Variants in VPS28 observed in about 807,000 individuals in gnomAD.
VPS28 encodes VPS28 subunit of ESCRT-I, also known as vacuolar protein sorting-associated protein 28 homolog.
VPS28 carries 29 observed loss-of-function variants against 33.7 expected under a neutral mutation model. The ratio of observed to expected loss-of-function variants is 0.86; its 90% CI spans 0.64 to 1.17. VPS28 has a LOEUF of 1.17. VPS28 is among the 50% of genes most tolerant of loss of function. The pLI is 0.00. For missense variants in VPS28, 247 were observed against 312.2 expected, an observed-to-expected ratio of 0.79 and a Z score of 1.57; for synonymous variants, 164 against 116.7, an observed-to-expected ratio of 1.40 and a Z score of -2.61.
chr8:144,426,364 C>G, intron 2 of VPS28, 156 bp from the exon 3 acceptor site: 1 of 1,004,402 alleles, frequency 1.0e-6, no homozygotes, highest in East Asian at 2.8e-5. Flanking sequence ...CAACCTCACC[C>G]CTATCAGTGT....
chr8:144,423,801 G>A lies in VPS28; in HGVS notation c.*4C>T, dbSNP rs376242912. The A allele has an allele frequency of 6.2e-5, 100 of 1,613,124 alleles. No homozygotes were observed. In the African/African-American group the frequency reaches 8.8e-4, roughly 14 times the overall value. Reference sequence around the variant, plus strand: ...CCTTCTGTGCAAGGGCTAGTGCCCCGGGCTCAGGCATGCAGGAAGCGGTTG... The same window carrying A: ...CCTTCTGTGCAAGGGCTAGTGCCCCAGGCTCAGGCATGCAGGAAGCGGTTG... On this transcript the variant is annotated 3_prime_UTR_variant, in exon 10 of 10. Coordinates refer to ENST00000292510, the MANE Select transcript of VPS28 (RefSeq NM_016208.4).
chr8:144,424,492 G>T, intron 7 of VPS28: 1 of 793,896 alleles, frequency 1.3e-6, no homozygotes, highest in Non-Finnish European at 2.0e-6. Flanking sequence ...CCGAGGCCAG[G>T]ACCCCGCCAG....
chr8:144,426,153 C>T, intron 3 of VPS28, 27 bp downstream of exon 3: 2 of 1,599,338 alleles, frequency 1.3e-6, no homozygotes, highest in South Asian at 1.1e-5. Context: ...TTGGCCAATG[C>T]CGGCCGGGTG....
chr8:144,425,794 G>C (rs375301189), intron 4 of VPS28, 22 bp from the exon 5 acceptor site: 1 of 1,613,376 alleles, frequency 6.2e-7, no homozygotes, highest in African/African-American at 1.3e-5. Context: ...CCTGTCTATC[G>C]GGCCAGGCCC....
intron 1 of VPS28, among the ~76,000 whole-genome samples, chr8:144,427,682 G>A (rs557737214): frequency 2.0e-5 from 3 of 152,224 alleles, no homozygotes; most frequent in Admixed American, 6.5e-5. Flanking sequence ...AATGAAGATG[G>A]AGAGGTGCCC....
In VPS28 at chr8:144,426,966, C is replaced by G. The variant is rs782315535; in HGVS notation, c.-21G>C. On this transcript the variant is annotated 5_prime_UTR_variant, in exon 2 of 10. Coordinates refer to ENST00000292510, the MANE Select transcript of VPS28 (RefSeq NM_016208.4). The stretch of plus-strand genomic sequence containing the variant: ...AACATCCTCTAGGCTCTGGGGGGGG[C>G]ACAGCACTGAGACCTGGGGAGCAGA... 12 of 1,611,410 alleles carry G rather than the reference C, an allele frequency of 7.4e-6. No individual in the cohort carries two copies. The highest frequency in any genetic ancestry group is 3.3e-5 in the Admixed American group (2 of 59,920).
intron 2 of VPS28, chr8:144,426,440 C>T (rs1822750352): frequency 3.7e-6 from 2 of 537,380 alleles, no homozygotes; most frequent in Admixed American, 3.8e-5. Flanking sequence ...AGCTCCCCAG[C>T]TCCACTGCGG....
rs1372658803 is a variant in VPS28, at chr8:144,425,244, C to T, written c.195-193G>A. 9.9e-6 allele frequency: 6 copies of T among 606,488 alleles called. No homozygotes were observed. In the East Asian group the frequency reaches 1.1e-4, roughly 11 times the overall value. 37.6% of individuals were successfully genotyped at this position (606,488 alleles called of 1,614,324 possible). On this transcript the variant is annotated intron_variant, in intron 5 of 9. Transcript: ENST00000292510. ...TGAGCACGTAGTGGGGCTTGTAGCT[C>T]GGCTCCAGGTGGAGACCCCGGCCCC...
At chr8:144,425,315 T>G (rs369533345) in intron 5 of VPS28, 5 of 575,998 alleles carry the variant, frequency 8.7e-6, no homozygotes, top group Non-Finnish European at 1.6e-5. Context: ...CCCTCTGTTG[T>G]GATGGCCGCA....
In VPS28 at chr8:144,423,771, T is replaced by C; in HGVS notation, c.*34A>G. ...GGGACCAGGAGCCATCGCCTCAGACTCTGCCCTTCTGTGCAAGGGCTAGTG... is the reference window on the plus strand; with the variant it reads ...GGGACCAGGAGCCATCGCCTCAGACCCTGCCCTTCTGTGCAAGGGCTAGTG... On this transcript the variant is annotated 3_prime_UTR_variant, in exon 10 of 10. Coordinates refer to ENST00000292510, the MANE Select transcript of VPS28 (RefSeq NM_016208.4). The C allele has an allele frequency of 6.2e-7, 1 of 1,612,176 alleles. No homozygotes were observed. The highest frequency in any genetic ancestry group is 8.5e-7 in the Non-Finnish European group (1 of 1,179,272).
At chr8:144,425,072 G>A (rs1822640811) in intron 5 of VPS28, 21 bp from the exon 6 acceptor site, 1 of 1,546,510 alleles carries the variant, frequency 6.5e-7, no homozygotes, top group Admixed American at 2.0e-5. Context: ...GTCAGCTGCT[G>A]CCCAAGCATG....
intron 2 of VPS28, 89 bp downstream of exon 2, chr8:144,426,820 C>T (rs976222914): frequency 2.2e-5 from 32 of 1,477,082 alleles, no homozygotes; most frequent in Non-Finnish European, 2.9e-5. Flanking sequence ...GGGTCAGATA[C>T]CTCCCCACCC....
chr8:144,423,976 G>C, intron 9 of VPS28, 54 bp from the exon 10 acceptor site: 5 of 1,610,286 alleles, frequency 3.1e-6, no homozygotes, highest in Non-Finnish European at 4.2e-6. Context: ...GGCACTGCGG[G>C]GCTCCGCCTG....
chr8:144,427,184 A>G (rs1265840187), intron 1 of VPS28: 3 of 386,936 alleles, frequency 7.8e-6, no homozygotes, highest in Admixed American at 8.5e-5. Flanking sequence ...TTGTAATCCC[A>G]GCTACTCAGG....
In VPS28 at chr8:144,426,895, C is replaced by G; in HGVS notation, c.37+14G>C. The G allele has an allele frequency of 6.2e-7, 1 of 1,612,526 alleles. No individual in the cohort carries two copies. Among genetic ancestry groups the G allele is most frequent in the Admixed American group, 1.7e-5 (1 of 59,970 alleles). On this transcript the variant is annotated intron_variant, in intron 2 of 9. Coordinates refer to ENST00000292510, the MANE Select transcript of VPS28 (RefSeq NM_016208.4). Reference sequence around the variant, plus strand: ...GAAGCGGCTGAAAGCCTGCGCCCTTCCAGCCACACTCACCTCCTATGCCCG... The same window carrying G: ...GAAGCGGCTGAAAGCCTGCGCCCTTGCAGCCACACTCACCTCCTATGCCCG...
chr8:144,425,783 ACC>A lies in VPS28; in HGVS notation c.105-13_105-12del. The A allele has an allele frequency of 6.2e-7, 1 of 1,613,604 alleles. No individual in the cohort carries two copies. The highest frequency in any genetic ancestry group is 8.5e-7 in the Non-Finnish European group (1 of 1,179,842). On this transcript the variant is annotated splice_polypyrimidine_tract_variant and intron_variant, in intron 4 of 9. Transcript: ENST00000292510. ...GCCATGTTGTCGTACCTGAGGACAC[ACC>A]TGTCTATCGGGCCAGGCCCCGGGGT...
chr8:144,424,000 C>G (rs753809044), intron 9 of VPS28, 41 bp downstream of exon 9: 4 of 1,606,018 alleles, frequency 2.5e-6, no homozygotes, highest in Non-Finnish European at 3.4e-6. Flanking sequence ...GGGAGGGTCT[C>G]GGGCACTGCG....
chr8:144,425,587 G>T, intron 5 of VPS28, 96 bp downstream of exon 5: 1 of 1,337,042 alleles, frequency 7.5e-7, no homozygotes, highest in Non-Finnish European at 1.0e-6. Context: ...CACACAAGTG[G>T]GTGCCTCCCA....
intron 1 of VPS28, among the ~76,000 whole-genome samples, chr8:144,427,882 C>T (rs1447060643): frequency 6.6e-6 from 1 of 152,014 alleles, no homozygotes; most frequent in African/African-American, 2.4e-5. Flanking sequence ...GCCCAATGGG[C>T]CGGGCAGTAA....
Sources: allele counts gnomAD v4.1 joint callset (sites outside exome capture counted in the v4.1 genomes callset), GRCh38; gene constraint gnomAD v4.1.1; transcripts MANE v1.5; gene names NCBI Gene and HGNC (gene_info 2026-07-23, HGNC 2026-07-21).